Variants in PRKN observed in about 807,000 individuals in gnomAD.
The protein encoded by PRKN is E3 ubiquitin-protein ligase parkin.
A neutral mutation model predicts 59.5 loss-of-function variants in PRKN; 56 were observed. The observed-to-expected ratio is 0.94, with a 90% CI of 0.76 to 1.18. The LOEUF (loss-of-function observed/expected upper bound fraction) is 1.18. Ranked by LOEUF, PRKN falls within the 50% of genes most tolerant of loss-of-function variation. PRKN has a pLI of 0.00. For missense variants in PRKN, 657 were observed against 596.4 expected (o/e 1.10, Z -1.06); for synonymous variants, 250 against 222.1 (o/e 1.13, Z -1.12).
At chr6:161,870,874 G>A (rs1353908999) in intron 6 of PRKN, among the ~76,000 whole-genome samples, 1 of 152,108 alleles carries the variant, frequency 6.6e-6, no homozygotes, top group Non-Finnish European at 1.5e-5. Flanking sequence ...AGAACTCTGG[G>A]GAGTTAGGCT....
intron 1 of PRKN, among the ~76,000 whole-genome samples, chr6:162,533,398 G>A (rs1380663101): frequency 6.6e-6 from 1 of 152,108 alleles, no homozygotes; most frequent in African/African-American, 2.4e-5. Flanking sequence ...CATGGTGGCA[G>A]GGGCCTGTAA....
At chr6:162,528,079 G>C (rs1360398879) in intron 1 of PRKN, among the ~76,000 whole-genome samples, 3 of 47,656 alleles carry the variant, frequency 6.3e-5, no homozygotes, top group East Asian at 7.7e-4. Flanking sequence ...GGGGGGGCGG[G>C]AGGGGTGCGG....
intron 1 of PRKN, among the ~76,000 whole-genome samples, chr6:162,633,430 C>A: frequency 5.8e-5 from 1 of 17,304 alleles, no homozygotes; most frequent in Non-Finnish European, 8.1e-5. Context: ...GCAAGACTGT[C>A]TCAAAAAAAA....
At chr6:162,279,498 T>C (rs900553448) in intron 2 of PRKN, among the ~76,000 whole-genome samples, 2 of 151,954 alleles carry the variant, frequency 1.3e-5, no homozygotes, top group Non-Finnish European at 2.9e-5. Flanking sequence ...AAGAAAAGAA[T>C]CCTCTGTCTT....
At chr6:162,417,427 T>C (rs1788687293) in intron 2 of PRKN, among the ~76,000 whole-genome samples, 1 of 152,108 alleles carries the variant, frequency 6.6e-6, no homozygotes, top group Non-Finnish European at 1.5e-5. Context: ...ACTCACACCA[T>C]CACATGCTGG....
At position 161,428,954 on chromosome 6, in the gene PRKN, C is replaced by T. The variant is rs1043158623; in HGVS notation, c.1084-42077G>A. On this transcript the variant is annotated intron_variant, in intron 9 of 11. Transcript: ENST00000366898. The surrounding 1 kb of genome is among the most constrained non-coding windows in gnomAD (Gnocchi z 4.0). ...CTGATGGCCAGGCATACATTCCTGC[C>T]CTAAGACTGGAAGGCTGGCAGACCA... is the stretch of plus-strand genomic sequence containing the variant. Among the ~76,000 whole-genome samples, 1 of 152,140 alleles carries T rather than the reference C, an allele frequency of 6.6e-6. No homozygotes were observed. Among genetic ancestry groups the T allele is most frequent in the Non-Finnish European group, 1.5e-5 (1 of 68,032 alleles).
chr6:162,339,370 C>T (rs1179810018), intron 2 of PRKN, among the ~76,000 whole-genome samples: 1 of 146,904 alleles, frequency 6.8e-6, no homozygotes, highest in African/African-American at 2.5e-5. Context: ...GGCCAGCCGC[C>T]CCGTCCGGGA....
At chr6:161,504,901 C>T (rs890338584) in intron 9 of PRKN, among the ~76,000 whole-genome samples, 1 of 148,344 alleles carries the variant, frequency 6.7e-6, no homozygotes, top group African/African-American at 2.5e-5. Flanking sequence ...ATATGTGCCA[C>T]ATTTTCTTAA....
intron 7 of PRKN, among the ~76,000 whole-genome samples, chr6:161,654,064 A>G (rs1220343900): frequency 2.0e-5 from 3 of 152,044 alleles, no homozygotes; most frequent in Admixed American, 1.3e-4. Context: ...ACTCTTGGCC[A>G]CAAGTGATCC....
chr6:161,567,037 T>TGTGTGTGTGTG (rs1554277339), intron 8 of PRKN, among the ~76,000 whole-genome samples: 1 of 103,770 alleles, frequency 9.6e-6, no homozygotes, highest in Non-Finnish European at 1.9e-5. Flanking sequence ...TTTTTTTTTT[T>TGTGTGTGTGTG]TGTGTGTGTG....
chr6:162,455,384 A>G (rs1291635989), intron 1 of PRKN, among the ~76,000 whole-genome samples: 2 of 152,214 alleles, frequency 1.3e-5, no homozygotes, highest in Non-Finnish European at 2.9e-5. Context: ...ATTTATGCAA[A>G]CCTAGATTAT....
At chr6:161,418,642 T>A (rs1307614871) in intron 9 of PRKN, among the ~76,000 whole-genome samples, 2 of 152,174 alleles carry the variant, frequency 1.3e-5, no homozygotes, top group Non-Finnish European at 2.9e-5. Flanking sequence ...TCGGCTAAAA[T>A]AACAAGCATG....
At chr6:162,066,784 A>G (rs923827404) in intron 4 of PRKN, among the ~76,000 whole-genome samples, 41 of 152,226 alleles carry the variant, frequency 2.7e-4, no homozygotes, top group African/African-American at 7.5e-4. Context: ...AAAAAGAACT[A>G]AGACATTCTT....
intron 5 of PRKN, among the ~76,000 whole-genome samples, chr6:161,980,444 G>A (rs1190911362): frequency 1.3e-5 from 2 of 152,152 alleles, no homozygotes; most frequent in African/African-American, 4.8e-5. Flanking sequence ...AGGAAAACAG[G>A]GCCCACACCA....
Position 161,671,556 on chromosome 6 carries a change from C to T in PRKN, c.872-102140G>A, listed in dbSNP as rs141003165. Among the ~76,000 whole-genome samples the T allele has an allele frequency of 1.0e-3, 154 of 152,258 alleles. 2 individuals carry two copies. Among genetic ancestry groups the T allele is most frequent in the Middle Eastern group, 6.8e-3 (2 of 294 alleles). The stretch of plus-strand genomic sequence containing the variant: ...TTTCAATATTCCACAGTATGACTGA[C>T]GGGCTACCGTAGTTCCTCCCCTGTT... On this transcript the variant is annotated intron_variant, in intron 7 of 11. Transcript: ENST00000366898.
intron 1 of PRKN, among the ~76,000 whole-genome samples, chr6:162,691,365 A>G (rs1238181628): frequency 6.6e-6 from 1 of 152,218 alleles, no homozygotes; most frequent in Admixed American, 6.5e-5. Context: ...CATAGTAGAG[A>G]CAGCTACATA....
intron 4 of PRKN, among the ~76,000 whole-genome samples, chr6:162,168,293 T>G (rs1450427963): frequency 6.6e-6 from 1 of 152,074 alleles, no homozygotes; most frequent in Non-Finnish European, 1.5e-5. Context: ...AAAGAATGAT[T>G]AGGTACACTT....
At position 161,459,967 on chromosome 6, in the gene PRKN, C is replaced by T. The variant is rs1282789332; in HGVS notation, c.1084-73090G>A. On this transcript the variant is annotated intron_variant, in intron 9 of 11. Coordinates refer to ENST00000366898, the MANE Select transcript of PRKN (RefSeq NM_004562.3). This position sits in a 1 kb window ranked among gnomAD's most constrained non-coding sequence, Gnocchi z 4.8. ...TTGTAAAAAAAAAAATCTATTTATCCATCAAATCACATATGCTTCTTTCCT... is the reference window on the plus strand; with the variant it reads ...TTGTAAAAAAAAAAATCTATTTATCTATCAAATCACATATGCTTCTTTCCT... Among the ~76,000 whole-genome samples, 2 of 152,012 alleles carry T rather than the reference C, an allele frequency of 1.3e-5. No homozygotes were observed. The highest frequency in any genetic ancestry group is 2.9e-5 in the Non-Finnish European group (2 of 67,986).
chr6:161,897,444 A>C (rs1035937844), intron 6 of PRKN, among the ~76,000 whole-genome samples: 1 of 152,164 alleles, frequency 6.6e-6, no homozygotes, highest in African/African-American at 2.4e-5. Flanking sequence ...CTAAAGTATT[A>C]TCTCTTTTTT....
Sources: allele counts gnomAD v4.1 joint callset (sites outside exome capture counted in the v4.1 genomes callset), GRCh38; gene constraint gnomAD v4.1.1; non-coding constraint Gnocchi (gnomAD v3.1); transcripts MANE v1.5; gene names NCBI Gene and HGNC (gene_info 2026-07-23, HGNC 2026-07-21).